EYS: variants seen among roughly 807,000 people sequenced by gnomAD.
EYS encodes EGF-like photoreceptor maintenance factor.
A neutral mutation model predicts 282.1 loss-of-function variants in EYS; 250 were observed. The ratio of observed to expected loss-of-function variants is 0.89; its 90% CI spans 0.80 to 0.98. EYS has a LOEUF of 0.98. Among genes scored for constraint, EYS ranks in the 50% least tolerant of loss-of-function variants. The pLI is 0.00. For missense variants in EYS, 4,016 were observed against 3,709.0 expected, an observed-to-expected ratio of 1.08 and a Z score of -2.15; for synonymous variants, 1,355 against 1,282.9, an observed-to-expected ratio of 1.06 and a Z score of -1.20.
rs372641460 is a variant in EYS at position 65,244,813 on chromosome 6, C to T, written c.2023+51050G>A. ...CTGGGATTACAGGCTTGAGCCACCG[C>T]GCCTGGCCCGAACTTATTTCTACCA... On this transcript the variant is annotated intron_variant, in intron 12 of 42. Transcript: ENST00000503581. Among the ~76,000 whole-genome samples the T allele has an allele frequency of 5.9e-5, 9 of 151,978 alleles. No individual in the cohort carries two copies. The East Asian group carries it at 9.7e-4, about 16-fold the overall frequency.
At chr6:63,770,881 G>T (rs1029864485) in intron 40 of EYS, among the ~76,000 whole-genome samples, 1 of 152,108 alleles carries the variant, frequency 6.6e-6, no homozygotes, top group African/African-American at 2.4e-5. Flanking sequence ...TTACTAGGAC[G>T]GGTTGCTATA....
intron 2 of EYS, among the ~76,000 whole-genome samples, chr6:65,499,586 A>G (rs1766376365): frequency 1.3e-5 from 2 of 152,036 alleles, no homozygotes; most frequent in Admixed American, 6.6e-5. Flanking sequence ...AATTAGAAAT[A>G]GAAGAGATAA....
chr6:65,481,580 G>A (rs1562211103), intron 5 of EYS, among the ~76,000 whole-genome samples: 1 of 152,090 alleles, frequency 6.6e-6, no homozygotes, highest in African/African-American at 2.4e-5. Context: ...ACGGAGTCTC[G>A]CTCTGTTGCC....
chr6:65,097,294 GTAAT>G (rs1220619478), intron 12 of EYS, among the ~76,000 whole-genome samples: 1 of 150,868 alleles, frequency 6.6e-6, no homozygotes, highest in African/African-American at 2.4e-5. Flanking sequence ...ACCACTATGA[GTAAT>G]TAATCGACAG....
intron 35 of EYS, among the ~76,000 whole-genome samples, chr6:63,953,159 C>T (rs774092946): frequency 1.5e-4 from 23 of 152,156 alleles, no homozygotes; most frequent in Non-Finnish European, 3.1e-4. Flanking sequence ...CCCTGCACCC[C>T]TCATCCCAGC....
At chr6:65,574,082 GCTAT>G (rs966638983) in intron 2 of EYS, among the ~76,000 whole-genome samples, 2 of 152,226 alleles carry the variant, frequency 1.3e-5, no homozygotes, top group African/African-American at 4.8e-5. Flanking sequence ...AGGCACTAGT[GCTAT>G]TACTGCCCCA....
intron 13 of EYS, among the ~76,000 whole-genome samples, chr6:65,050,742 T>C (rs1773247190): frequency 6.6e-6 from 1 of 151,588 alleles, no homozygotes; most frequent in Non-Finnish European, 1.5e-5. Flanking sequence ...CTGTGAAGGC[T>C]GAAAAACTAA....
chr6:64,297,486 T>C (rs878856047), intron 30 of EYS, among the ~76,000 whole-genome samples: 12 of 152,146 alleles, frequency 7.9e-5, no homozygotes, highest in African/African-American at 1.7e-4. Flanking sequence ...AACCAGACTT[T>C]TGAAAACTAA....
At chr6:64,061,482 TAAG>T (rs752327057) in intron 33 of EYS, among the ~76,000 whole-genome samples, 15 of 152,212 alleles carry the variant, frequency 9.9e-5, no homozygotes, top group Admixed American at 2.0e-4. Flanking sequence ...CCATTTCATT[TAAG>T]AAGAACTTCT....
At chr6:64,222,733 G>C (rs1766140006) in intron 31 of EYS, among the ~76,000 whole-genome samples, 1 of 151,770 alleles carries the variant, frequency 6.6e-6, no homozygotes, top group South Asian at 2.1e-4. Flanking sequence ...TGTTTTCTTT[G>C]AAAGACTATG....
At chr6:64,898,120 C>T (rs533349223) in intron 18 of EYS, among the ~76,000 whole-genome samples, 2 of 152,170 alleles carry the variant, frequency 1.3e-5, no homozygotes, top group African/African-American at 4.8e-5. Flanking sequence ...CAAAGATACT[C>T]CTCGAGAAAA....
chr6:65,554,571 A>G (rs1244306759), intron 2 of EYS, among the ~76,000 whole-genome samples: 2 of 152,132 alleles, frequency 1.3e-5, no homozygotes, highest in African/African-American at 2.4e-5. Context: ...CTACTTAGCT[A>G]TCTGCCTTCT....
At chr6:64,563,218 A>G (rs144803152) in intron 26 of EYS, among the ~76,000 whole-genome samples, 50 of 152,186 alleles carry the variant, frequency 3.3e-4, no homozygotes, top group African/African-American at 1.2e-3. Flanking sequence ...TTACTGGAAC[A>G]TATTTTCTCT....
At chr6:65,422,771 T>C (rs1767513302) in intron 5 of EYS, among the ~76,000 whole-genome samples, 1 of 151,336 alleles carries the variant, frequency 6.6e-6, no homozygotes, top group African/African-American at 2.4e-5. Flanking sequence ...AACAAATACA[T>C]AAATCAGGAC....
chr6:65,237,948 T>C (rs1307373259), intron 12 of EYS, among the ~76,000 whole-genome samples: 1 of 151,978 alleles, frequency 6.6e-6, no homozygotes, highest in Non-Finnish European at 1.5e-5. Flanking sequence ...ACAGTAAAAA[T>C]TACTGATTTG....
At chr6:64,421,867 G>A (rs892145963) in intron 28 of EYS, among the ~76,000 whole-genome samples, 11 of 143,240 alleles carry the variant, frequency 7.7e-5, no homozygotes, top group African/African-American at 3.2e-4. Context: ...GGGGGTGTGT[G>A]TGTGTGTGTG....
In EYS at chr6:64,286,659, G is replaced by A. The variant is rs74685302; in HGVS notation, c.6191+20311C>T. ...CTTAAATCATCTTGTCCATCACACT[G>A]TCAAGGTAGATTTCCTTTAACATGC... On this transcript the variant is annotated intron_variant, in intron 30 of 42. Transcript: ENST00000503581. Among the ~76,000 whole-genome samples, 161 of 152,230 alleles carry A rather than the reference G, an allele frequency of 1.1e-3. 2 individuals carry two copies. The East Asian group carries it at 0.028, about 27-fold the overall frequency.
At chr6:64,181,710 T>C (rs974676418) in intron 31 of EYS, among the ~76,000 whole-genome samples, 1 of 152,100 alleles carries the variant, frequency 6.6e-6, no homozygotes, top group Non-Finnish European at 1.5e-5. Context: ...AACGTGTTTT[T>C]TATCTCAAAA....
chr6:64,193,519 A>G (rs1008196294), intron 31 of EYS, among the ~76,000 whole-genome samples: 4 of 151,586 alleles, frequency 2.6e-5, no homozygotes, highest in African/African-American at 7.3e-5. Context: ...TTTTTATTAT[A>G]CTTTAAGTTC....
Sources: gnomAD v4.1 joint callset for allele counts (sites outside exome capture counted in the v4.1 genomes callset) on GRCh38, gnomAD v4.1.1 for gene constraint, MANE v1.5 for transcripts, NCBI Gene and HGNC (gene_info 2026-07-23, HGNC 2026-07-21) for gene names.